Variants in ZWILCH observed in about 807,000 individuals in gnomAD.
The protein encoded by ZWILCH is zwilch kinetochore protein.
Under a neutral mutation model 79.9 loss-of-function variants are expected in ZWILCH, and 74 were observed. The ratio of observed to expected loss-of-function variants is 0.93; its 90% CI spans 0.77 to 1.12. The LOEUF (loss-of-function observed/expected upper bound fraction) is 1.12, where lower values mean the gene tolerates loss of function less well. Ranked by LOEUF, ZWILCH falls within the 50% of genes most tolerant of loss-of-function variation. The pLI, the probability that ZWILCH is intolerant of heterozygous loss-of-function variation, is 0.00. For synonymous variants in ZWILCH, 241 were observed against 228.2 expected (o/e 1.06, Z -0.51); for missense variants, 694 against 687.5 (o/e 1.01, Z -0.11).
intron 14 of ZWILCH, 82 bp from the exon 15 acceptor site, chr15:66,535,851 G>T: frequency 2.5e-6 from 3 of 1,193,292 alleles, no homozygotes; most frequent in Non-Finnish European, 2.3e-6. Flanking sequence ...CCAAATGTAG[G>T]TGTAGAAGGC....
intron 1 of ZWILCH, among the ~76,000 whole-genome samples, chr15:66,507,520 C>G (rs964596657): frequency 1.3e-5 from 2 of 152,188 alleles, no homozygotes; most frequent in East Asian, 3.8e-4. Flanking sequence ...TTCCTCTTGG[C>G]TTTCAGGTTA....
chr15:66,531,186 T>C (rs1053320104), intron 12 of ZWILCH, among the ~76,000 whole-genome samples: 1 of 152,244 alleles, frequency 6.6e-6, no homozygotes, highest in African/African-American at 2.4e-5. Flanking sequence ...ATGTTGGATA[T>C]TGTAGCCAAT....
At chr15:66,532,125 A>C in intron 12 of ZWILCH, 122 bp from the exon 13 acceptor site, 1 of 698,128 alleles carries the variant, frequency 1.4e-6, no homozygotes, top group South Asian at 2.5e-5. Flanking sequence ...TTATAGTGTT[A>C]GGAGACTAGG....
intron 1 of ZWILCH, among the ~76,000 whole-genome samples, chr15:66,507,596 C>G (rs34238168): frequency 1.2e-4 from 18 of 152,172 alleles, no homozygotes; most frequent in Non-Finnish European, 2.6e-4. Flanking sequence ...TGAGCACTTA[C>G]CACCATGGAA....
chr15:66,516,953 T>C (rs559569314), intron 4 of ZWILCH, among the ~76,000 whole-genome samples: 1 of 152,346 alleles, frequency 6.6e-6, no homozygotes, highest in Admixed American at 6.5e-5. Flanking sequence ...CATGCGCTTA[T>C]TTCTTTGCTC....
In ZWILCH at chr15:66,542,606, A is replaced by G. The variant is rs563386812; in HGVS notation, c.1687+2396A>G. On this transcript the variant is annotated intron_variant, in intron 17 of 18. Transcript: ENST00000307897. ...TCTCAAAAAAAGAAATTCGCAACCC[A>G]TGTTCAGAAAAGGGGATATATTTCA... Among the ~76,000 whole-genome samples the G allele has an allele frequency of 3.4e-4, 52 of 152,326 alleles. No homozygotes were observed. The South Asian group carries it at 9.5e-3, about 28-fold the overall frequency.
At chr15:66,538,918 T>G (rs1355779737) in intron 16 of ZWILCH, among the ~76,000 whole-genome samples, 1 of 152,216 alleles carries the variant, frequency 6.6e-6, no homozygotes, top group Non-Finnish European at 1.5e-5. Flanking sequence ...TGATTGCATT[T>G]ATTCTCAAGG....
In ZWILCH at chr15:66,514,214, G is replaced by T. The variant is rs547602029; in HGVS notation, c.201+131G>T. ...AGTTCTCATTCTTTTAGGAGTAAGT[G>T]TAGTGCTGTCCAGTACAAATAAATA... On this transcript the variant is annotated intron_variant, in intron 3 of 18. Coordinates refer to ENST00000307897, the MANE Select transcript of ZWILCH (RefSeq NM_017975.5). 279 of 575,314 alleles carry T rather than the reference G, an allele frequency of 4.8e-4. 2 individuals are homozygous for T. In the African/African-American group the frequency reaches 4.9e-3, roughly 10 times the overall value. The allele number at this position is 575,314 out of a possible 1,614,324, so 35.6% of individuals were successfully genotyped here.
At chr15:66,507,049 G>C (rs532543316) in intron 1 of ZWILCH, among the ~76,000 whole-genome samples, 6 of 152,186 alleles carry the variant, frequency 3.9e-5, no homozygotes, top group African/African-American at 1.2e-4. Flanking sequence ...TTTTAGTAGA[G>C]AAGAGGTTTC....
intron 17 of ZWILCH, among the ~76,000 whole-genome samples, chr15:66,541,726 C>G (rs961016633): frequency 6.6e-6 from 1 of 152,110 alleles, no homozygotes; most frequent in Non-Finnish European, 1.5e-5. Context: ...GCTGTTGTCT[C>G]TTATTCATAT....
rs773862299 is a variant in ZWILCH at position 66,505,364 on chromosome 15, C to T, written c.26C>T (p.Ala9Val). The T allele has an allele frequency of 1.5e-5, 24 of 1,614,142 alleles. No individual in the cohort carries two copies. Among genetic ancestry groups the T allele is most frequent in the South Asian group, 7.7e-5 (7 of 91,072 alleles). The change falls in exon 1 of 19, where the codon GCA becomes GTA. Residue 9 changes from alanine to valine, a missense_variant. Coordinates refer to ENST00000307897, the MANE Select transcript of ZWILCH (RefSeq NM_017975.5). ...ATGTGGGAGCGGCTGAACTGCGCAG[C>T]AGAGGACTTTTATTCTCGTCTCCTT... MWERLNCAAEDFYSRLLQK... is the reference protein window; with the variant it reads MWERLNCAVEDFYSRLLQK...
rs529806725 is a variant in ZWILCH, at chr15:66,519,271, C to G, written c.520+193C>G. ...TATTCCAGAAACACCAGAAACAGAT[C>G]TCCAAAAGTCTGGACAGGAGGTTTA... On this transcript the variant is annotated intron_variant, in intron 5 of 18. Transcript: ENST00000307897. 4.7e-5 allele frequency: 28 copies of G among 592,004 alleles called. No individual in the cohort carries two copies. In the South Asian group the frequency reaches 5.8e-4, roughly 12 times the overall value. The allele number at this position is 592,004 out of a possible 1,614,324, so 36.7% of individuals were successfully genotyped here.
At chr15:66,520,753 T>A in intron 6 of ZWILCH, 93 bp downstream of exon 6, 3 of 818,622 alleles carry the variant, frequency 3.7e-6, no homozygotes, top group Non-Finnish European at 5.8e-6. Context: ...CTAAGATGAC[T>A]AGATATTTTT....
chr15:66,532,569 T>TC (rs935726893), intron 13 of ZWILCH, among the ~76,000 whole-genome samples, 166 bp downstream of exon 13: 1 of 151,694 alleles, frequency 6.6e-6, no homozygotes, highest in African/African-American at 2.4e-5. Flanking sequence ...GGCCTTAGTT[T>TC]CCCCCCAATA....
intron 2 of ZWILCH, among the ~76,000 whole-genome samples, chr15:66,512,405 C>T (rs1316202073): frequency 6.6e-6 from 1 of 151,690 alleles, no homozygotes; most frequent in Non-Finnish European, 1.5e-5. Context: ...ACTACCAGTG[C>T]ACCACCATAC....
intron 8 of ZWILCH, among the ~76,000 whole-genome samples, chr15:66,524,087 T>C (rs1343294722): frequency 6.6e-6 from 1 of 152,246 alleles, no homozygotes. Context: ...GTGGCTATTA[T>C]GAATAATGCC....
At chr15:66,535,903 C>G (rs1265256200) in intron 14 of ZWILCH, 30 bp from the exon 15 acceptor site, 2 of 1,572,004 alleles carry the variant, frequency 1.3e-6, no homozygotes, top group Non-Finnish European at 8.6e-7. Flanking sequence ...TGCTTTAAAT[C>G]TCTATTTTGC....
intron 12 of ZWILCH, among the ~76,000 whole-genome samples, chr15:66,530,933 C>T (rs1595917033): frequency 6.6e-6 from 1 of 152,252 alleles, no homozygotes; most frequent in East Asian, 1.9e-4. Context: ...TTTCTGTGTT[C>T]ATGAGATGTT....
intron 18 of ZWILCH, 78 bp from the exon 19 acceptor site, chr15:66,548,273 A>G: frequency 2.8e-6 from 1 of 351,514 alleles, no homozygotes; most frequent in Non-Finnish European, 5.2e-6. Flanking sequence ...CTTAACATTA[A>G]CTTTAGGAGG....
Sources: gnomAD v4.1 joint callset for allele counts (sites outside exome capture counted in the v4.1 genomes callset) on GRCh38, gnomAD v4.1.1 for gene constraint, MANE v1.5 for transcripts, NCBI Gene and HGNC (gene_info 2026-07-23, HGNC 2026-07-21) for gene names.